The following CNTNAP2 variants were observed in gnomAD, a reference collection of about 807,000 sequenced individuals.
CNTNAP2 encodes the protein contactin associated protein 2.
A neutral mutation model predicts 155.2 loss-of-function variants in CNTNAP2; 98 were observed. The ratio of observed to expected loss-of-function variants is 0.63; its 90% CI spans 0.54 to 0.75. The LOEUF is 0.75. Ranked by LOEUF, CNTNAP2 falls within the 30% of genes least tolerant of loss-of-function variation. The pLI is 0.00. For synonymous variants in CNTNAP2, 651 were observed against 631.2 expected (o/e 1.03, Z -0.47); for missense variants, 1,727 against 1,688.1 (o/e 1.02, Z -0.40).
intron 18 of CNTNAP2, among the ~76,000 whole-genome samples, chr7:148,187,594 G>A (rs1045949190): frequency 6.6e-6 from 1 of 152,126 alleles, no homozygotes; most frequent in Non-Finnish European, 1.5e-5. Context: ...ATTTCTATGA[G>A]GAGCTAGGAG....
intron 8 of CNTNAP2, among the ~76,000 whole-genome samples, chr7:147,193,785 A>C (rs1446753273): frequency 6.6e-6 from 1 of 152,198 alleles, no homozygotes; most frequent in East Asian, 1.9e-4. Context: ...AGGTAAGATT[A>C]CAAAAACTTC....
chr7:146,147,265 CTCTT>C (rs1187603260), intron 1 of CNTNAP2, among the ~76,000 whole-genome samples: 1 of 152,150 alleles, frequency 6.6e-6, no homozygotes, highest in Non-Finnish European at 1.5e-5. Context: ...AGCACACTCT[CTCTT>C]GTTTTTAGTT....
intron 15 of CNTNAP2, among the ~76,000 whole-genome samples, chr7:147,980,358 T>G (rs61438859): frequency 0.1 from 15,792 of 152,242 alleles, 1,081 homozygotes; most frequent in African/African-American, 0.2. Flanking sequence ...TTTTAGAACC[T>G]ATTATCAAAA....
chr7:147,331,376 T>C (rs1795564712), intron 9 of CNTNAP2, among the ~76,000 whole-genome samples: 3 of 152,166 alleles, frequency 2.0e-5, no homozygotes, highest in Non-Finnish European at 4.4e-5. Flanking sequence ...AATTCTATTA[T>C]AAATGTCAAA....
chr7:146,681,647 G>T (rs1585040413), intron 1 of CNTNAP2, among the ~76,000 whole-genome samples: 1 of 71,862 alleles, frequency 1.4e-5, no homozygotes, highest in Non-Finnish European at 3.7e-5. Flanking sequence ...GAAAAGAGAG[G>T]AATGGGAAAA....
rs187562633 is a variant in CNTNAP2 at position 147,116,599 on chromosome 7, G to T, written c.755-4380G>T. Among the ~76,000 whole-genome samples the T allele has an allele frequency of 1.6e-4, 25 of 152,270 alleles. No individual in the cohort carries two copies. The East Asian group carries it at 2.9e-3, about 18-fold the overall frequency. On this transcript the variant is annotated intron_variant, in intron 5 of 23. Coordinates refer to ENST00000361727, the MANE Select transcript of CNTNAP2 (RefSeq NM_014141.6). ...AGTCTGGTCACACCTTGACAAAACA[G>T]CTATGTTGTGGTGAGGAACTGCCTC... is the stretch of plus-strand genomic sequence containing the variant.
At chr7:147,123,187 C>T (rs1801156326) in intron 6 of CNTNAP2, among the ~76,000 whole-genome samples, 1 of 152,130 alleles carries the variant, frequency 6.6e-6, no homozygotes, top group African/African-American at 2.4e-5. Flanking sequence ...CCAGAAATTT[C>T]TATCTTCTCT....
intron 10 of CNTNAP2, among the ~76,000 whole-genome samples, chr7:147,398,563 T>C (rs928650499): frequency 4.0e-5 from 6 of 149,828 alleles, no homozygotes; most frequent in African/African-American, 1.2e-4. Context: ...TTCTGTGTGT[T>C]GTATTGGAAT....
At chr7:148,395,421 AC>A (rs1431142146) in intron 22 of CNTNAP2, among the ~76,000 whole-genome samples, 20 of 151,420 alleles carry the variant, frequency 1.3e-4, no homozygotes, top group Non-Finnish European at 1.5e-4. Flanking sequence ...CCAGGACTGC[AC>A]CCTCCAGATG....
intron 3 of CNTNAP2, among the ~76,000 whole-genome samples, chr7:146,992,499 C>T (rs1025101861): frequency 6.6e-6 from 1 of 151,102 alleles, no homozygotes; most frequent in African/African-American, 2.4e-5. Context: ...CTCAGCAAAG[C>T]CGGAGTCCTG....
chr7:146,667,217 G>A (rs2934756), intron 1 of CNTNAP2, among the ~76,000 whole-genome samples: 122,909 of 151,966 alleles, frequency 0.81, 50,308 homozygotes, highest in South Asian at 0.91. Context: ...AGTTATCCCA[G>A]TACCATTTAT....
chr7:146,328,869 C>G (rs1321819458), intron 1 of CNTNAP2, among the ~76,000 whole-genome samples: 2 of 152,136 alleles, frequency 1.3e-5, no homozygotes, highest in African/African-American at 4.8e-5. Context: ...GGTATGATTT[C>G]CTTTTTTACT....
intron 1 of CNTNAP2, among the ~76,000 whole-genome samples, chr7:146,152,285 A>G (rs1798063664): frequency 6.6e-6 from 1 of 152,090 alleles, no homozygotes; most frequent in Non-Finnish European, 1.5e-5. Context: ...TCACTGCATT[A>G]TCTCACTCAT....
At chr7:147,185,342 GTAA>G (rs1263687745) in intron 8 of CNTNAP2, among the ~76,000 whole-genome samples, 10 of 152,000 alleles carry the variant, frequency 6.6e-5, no homozygotes, top group African/African-American at 2.2e-4. Flanking sequence ...GAGCTTGCAC[GTAA>G]TCTACAAATC....
intron 18 of CNTNAP2, among the ~76,000 whole-genome samples, chr7:148,216,974 A>G (rs1486850613): frequency 6.6e-6 from 1 of 152,134 alleles, no homozygotes; most frequent in African/African-American, 2.4e-5. Context: ...GCCTTCCACC[A>G]TTATTGTGAG....
At chr7:146,821,335 C>T (rs949513745) in intron 2 of CNTNAP2, among the ~76,000 whole-genome samples, 4 of 152,108 alleles carry the variant, frequency 2.6e-5, no homozygotes, top group Non-Finnish European at 5.9e-5. Context: ...GTGCTTCCTT[C>T]AGGAGCTCTT....
rs1797407062 is a variant in CNTNAP2, at chr7:147,427,986, GTTAAA to G, written c.1670+32212_1670+32216del. On this transcript the variant is annotated intron_variant, in intron 10 of 23. Coordinates refer to ENST00000361727, the MANE Select transcript of CNTNAP2 (RefSeq NM_014141.6). ...GCAAATTTTTAAATTTTAGGTTTCAGTTAAATTAAAAAAATAGTAACATTATCTTT... is the reference window on the plus strand; with the variant it reads ...GCAAATTTTTAAATTTTAGGTTTCAGTTAAAAAAATAGTAACATTATCTTT... 4.6e-5 allele frequency among the ~76,000 whole-genome samples: 7 copies of G among 152,232 alleles called. No homozygotes were observed. The South Asian group carries it at 1.4e-3, about 32-fold the overall frequency.
intron 13 of CNTNAP2, among the ~76,000 whole-genome samples, chr7:147,767,321 CCTT>C (rs1213719498): frequency 6.6e-6 from 1 of 151,858 alleles, no homozygotes; most frequent in Non-Finnish European, 1.5e-5. Context: ...GCTAAATAAA[CCTT>C]CTTTATTTTG....
intron 3 of CNTNAP2, among the ~76,000 whole-genome samples, chr7:147,031,924 A>T (rs1386729416): frequency 6.6e-6 from 1 of 152,232 alleles, no homozygotes; most frequent in African/African-American, 2.4e-5. Context: ...TCAAAACAAA[A>T]GGCAAAATTA....
Sources: gnomAD v4.1 joint callset for allele counts (sites outside exome capture counted in the v4.1 genomes callset) on GRCh38, gnomAD v4.1.1 for gene constraint, MANE v1.5 for transcripts, NCBI Gene and HGNC (gene_info 2026-07-23, HGNC 2026-07-21) for gene names.